Variants in ADGRG7 observed in about 807,000 individuals in gnomAD.
The protein encoded by ADGRG7 is adhesion G protein-coupled receptor G7.
ADGRG7 carries 82 observed loss-of-function variants against 88.6 expected under a neutral mutation model. The ratio of observed to expected loss-of-function variants is 0.93; its 90% confidence interval spans 0.77 to 1.11. The LOEUF (loss-of-function observed/expected upper bound fraction) is 1.11. Ranked by LOEUF, ADGRG7 falls within the 50% of genes most tolerant of loss-of-function variation. The pLI, the probability that ADGRG7 is intolerant of heterozygous loss-of-function variation, is 0.00. For missense variants in ADGRG7, 945 were observed against 953.4 expected, an observed-to-expected ratio of 0.99 and a Z score of 0.12; for synonymous variants, 381 against 345.2, an observed-to-expected ratio of 1.10 and a Z score of -1.15.
chr3:100,627,517 G>C (rs561226567), intron 1 of ADGRG7, among the ~76,000 whole-genome samples: 1 of 152,094 alleles, frequency 6.6e-6, no homozygotes, highest in Non-Finnish European at 1.5e-5. Flanking sequence ...TTATTGGCCT[G>C]TAACTTTATT....
At chr3:100,693,410 G>T (rs2094997060) in intron 15 of ADGRG7, among the ~76,000 whole-genome samples, 1 of 152,136 alleles carries the variant, frequency 6.6e-6, no homozygotes, top group Admixed American at 6.5e-5. Context: ...CTGTCATAGG[G>T]CCTTTCTTCT....
intron 15 of ADGRG7, among the ~76,000 whole-genome samples, chr3:100,692,163 G>T (rs1340186696): frequency 6.6e-6 from 1 of 152,198 alleles, no homozygotes; most frequent in African/African-American, 2.4e-5. Context: ...GTGGGGAGCT[G>T]CTTGGCTTTT....
intron 11 of ADGRG7, 178 bp from the exon 12 acceptor site, chr3:100,654,657 G>A (rs909451289): frequency 1.9e-6 from 1 of 524,788 alleles, no homozygotes. Flanking sequence ...ATGATAAGAG[G>A]AAAGTATAGT....
chr3:100,681,518 C>T (rs1576338285), intron 15 of ADGRG7, among the ~76,000 whole-genome samples: 1 of 151,924 alleles, frequency 6.6e-6, no homozygotes, highest in East Asian at 1.9e-4. Flanking sequence ...ACCATGTTGG[C>T]CAGGCTGGTC....
intron 9 of ADGRG7, 106 bp downstream of exon 9, chr3:100,646,214 G>GCT: frequency 1.4e-6 from 1 of 690,684 alleles, no homozygotes; most frequent in Admixed American, 3.1e-5. Flanking sequence ...GAGAATAGGA[G>GCT]GGCGGGGGGG....
At chr3:100,613,858 T>C (rs1283102333) in intron 1 of ADGRG7, among the ~76,000 whole-genome samples, 2 of 152,164 alleles carry the variant, frequency 1.3e-5, no homozygotes, top group Non-Finnish European at 2.9e-5. Context: ...GGGAAAAATG[T>C]ACAAGAGTAG....
chr3:100,663,346 C>G (rs769376633), intron 14 of ADGRG7, among the ~76,000 whole-genome samples: 45 of 152,128 alleles, frequency 3.0e-4, no homozygotes, highest in Non-Finnish European at 6.2e-4. Context: ...AAAACACTCT[C>G]CACTCACTTG....
chr3:100,652,291 C>G (rs1462653936), intron 11 of ADGRG7, among the ~76,000 whole-genome samples: 1 of 151,852 alleles, frequency 6.6e-6, no homozygotes, highest in African/African-American at 2.4e-5. Context: ...TGTGGGAATC[C>G]AAAGATCAAG....
At position 100,630,053 on chromosome 3, in the gene ADGRG7, A is replaced by T. The variant is rs758897648; in HGVS notation, c.229+342A>T. ...AATATGCCATAATATACCATTTCAA[A>T]TATCACTACTCTAATATATTTAACT... On this transcript the variant is annotated intron_variant, in intron 2 of 15. Coordinates refer to ENST00000273352, the MANE Select transcript of ADGRG7 (RefSeq NM_032787.3). Among the ~76,000 whole-genome samples, 4 of 152,274 alleles carry T rather than the reference A, an allele frequency of 2.6e-5. No individual in the cohort carries two copies. The South Asian group carries it at 6.2e-4, about 24-fold the overall frequency.
intron 15 of ADGRG7, among the ~76,000 whole-genome samples, chr3:100,672,905 G>A (rs2094960470): frequency 6.6e-6 from 1 of 152,160 alleles, no homozygotes; most frequent in South Asian, 2.1e-4. Context: ...CAGGGATGAA[G>A]CCAAGTTGAT....
intron 13 of ADGRG7, among the ~76,000 whole-genome samples, chr3:100,656,794 T>TCA (rs10623799): frequency 0.95 from 143,887 of 152,186 alleles, 68,531 homozygotes; most frequent in East Asian, 1. Flanking sequence ...GTCTGGGAAC[T>TCA]CCTCTTTCCC....
chr3:100,620,996 T>C (rs1707304287), intron 1 of ADGRG7, among the ~76,000 whole-genome samples: 1 of 152,192 alleles, frequency 6.6e-6, no homozygotes, highest in Non-Finnish European at 1.5e-5. Context: ...ATTTCTGTTA[T>C]GGTGGTCTGT....
chr3:100,674,088 T>A (rs1050345404), intron 15 of ADGRG7, among the ~76,000 whole-genome samples: 1 of 152,246 alleles, frequency 6.6e-6, no homozygotes, highest in African/African-American at 2.4e-5. Context: ...CATTGTGTCT[T>A]TGTTCTCATT....
At chr3:100,691,988 A>G (rs2094994744) in intron 15 of ADGRG7, among the ~76,000 whole-genome samples, 1 of 152,188 alleles carries the variant, frequency 6.6e-6, no homozygotes, top group South Asian at 2.1e-4. Context: ...AGAAACTGCA[A>G]TTTTGATGAC....
At chr3:100,673,580 G>C (rs1365608979) in intron 15 of ADGRG7, among the ~76,000 whole-genome samples, 1 of 151,558 alleles carries the variant, frequency 6.6e-6, no homozygotes, top group East Asian at 1.9e-4. Flanking sequence ...TCCTGCCTCA[G>C]CCTCCCAAAT....
At chr3:100,674,998 G>A (rs1028154223) in intron 15 of ADGRG7, among the ~76,000 whole-genome samples, 4 of 150,806 alleles carry the variant, frequency 2.7e-5, no homozygotes, top group Admixed American at 1.3e-4. Flanking sequence ...TTTTTCTTGT[G>A]GAGTCTAGTT....
chr3:100,646,633 A>T lies in ADGRG7; in HGVS notation c.1175A>T (p.Asp392Val), dbSNP rs766929027. Residue 392 changes from aspartate (D) to valine (V), a missense_variant, in exon 10 of 16, where the codon GAC becomes GTC. Asp to Val is a radical substitution (Grantham distance 152). Coordinates refer to ENST00000273352, the MANE Select transcript of ADGRG7 (RefSeq NM_032787.3). ...GTCTATTGGAATTTGTCAGCGAAGG[A>T]CTGGGACACATATGGCTGTCAAAAA... is the stretch of plus-strand genomic sequence containing the variant. ...ACVYWNLSAK[D>V]WDTYGCQKDK... The T allele has an allele frequency of 6.2e-7, 1 of 1,614,078 alleles. No individual in the cohort carries two copies. Among genetic ancestry groups the T allele is most frequent in the Non-Finnish European group, 8.5e-7 (1 of 1,179,924 alleles).
At chr3:100,615,516 T>C (rs1458834711) in intron 1 of ADGRG7, among the ~76,000 whole-genome samples, 1 of 152,138 alleles carries the variant, frequency 6.6e-6, no homozygotes, top group Non-Finnish European at 1.5e-5. Flanking sequence ...TCAGCAAATG[T>C]GTGTTGGGTA....
intron 9 of ADGRG7, 120 bp downstream of exon 9, chr3:100,646,228 G>GGGGGT: frequency 4.5e-5 from 9 of 199,622 alleles, no homozygotes; most frequent in Admixed American, 7.8e-5. Flanking sequence ...GGGGGGGAGG[G>GGGGGT]TTTTCCATGA....
Sources: allele counts gnomAD v4.1 joint callset (sites outside exome capture counted in the v4.1 genomes callset), GRCh38; gene constraint gnomAD v4.1.1; transcripts MANE v1.5; gene names NCBI Gene and HGNC (gene_info 2026-07-23, HGNC 2026-07-21).